The following NPAS3 variants were observed in gnomAD, a reference collection of about 807,000 sequenced individuals.
NPAS3 encodes the protein neuronal PAS domain-containing protein 3.
Under a neutral mutation model 73.1 loss-of-function variants are expected in NPAS3, and 14 were observed. The ratio of observed to expected loss-of-function variants is 0.19; its 90% CI spans 0.13 to 0.30. The LOEUF (loss-of-function observed/expected upper bound fraction) is 0.30. Among genes scored for constraint, NPAS3 ranks in the 10% least tolerant of loss-of-function variants. The probability of loss-of-function intolerance (pLI) is 1.00; values close to 1 mark genes in which losing one functional copy is unlikely to be tolerated. For missense variants in NPAS3, 1,096 were observed against 1,250.0 expected (o/e 0.88, Z 1.86); for synonymous variants, 620 against 541.5 (o/e 1.14, Z -2.01).
intron 4 of NPAS3, among the ~76,000 whole-genome samples, chr14:33,499,723 GCCCTCTGATATTAGTAA>G (rs2052416695): frequency 6.6e-6 from 1 of 151,924 alleles, no homozygotes; most frequent in Non-Finnish European, 1.5e-5. Flanking sequence ...ATGATGCCCA[GCCCTCTGATATTAGTAA>G]CAATATTTGC....
At chr14:33,030,167 A>C (rs191583859) in intron 1 of NPAS3, among the ~76,000 whole-genome samples, 47 of 152,356 alleles carry the variant, frequency 3.1e-4, no homozygotes, top group African/African-American at 9.9e-4. Flanking sequence ...GATTGAATTC[A>C]GTCTTAAATT....
chr14:33,332,254 A>C (rs2044019727), intron 3 of NPAS3, among the ~76,000 whole-genome samples: 1 of 152,110 alleles, frequency 6.6e-6, no homozygotes, highest in South Asian at 2.1e-4. Flanking sequence ...TTGACCTCTT[A>C]ACTAAAATAA....
At chr14:33,272,888 T>C (rs2041158996) in intron 3 of NPAS3, among the ~76,000 whole-genome samples, 1 of 152,178 alleles carries the variant, frequency 6.6e-6, no homozygotes, top group African/African-American at 2.4e-5. Context: ...CGAAATCTCT[T>C]TACAATTTTA....
intron 7 of NPAS3, among the ~76,000 whole-genome samples, chr14:33,764,363 A>G (rs903012574): frequency 6.6e-6 from 1 of 152,278 alleles, no homozygotes; most frequent in African/African-American, 2.4e-5. Context: ...AACTTAGAAC[A>G]AGACTAGTTG....
chr14:32,955,322 A>G (rs903677161), intron 1 of NPAS3, among the ~76,000 whole-genome samples: 1 of 152,154 alleles, frequency 6.6e-6, no homozygotes, highest in Non-Finnish European at 1.5e-5. Context: ...ACAGACCAAA[A>G]TATACTTTGT....
chr14:33,044,517 AT>A (rs539028013), intron 1 of NPAS3, among the ~76,000 whole-genome samples: 128 of 151,870 alleles, frequency 8.4e-4, no homozygotes, highest in Non-Finnish European at 1.5e-3. Flanking sequence ...TTTTCAGACA[AT>A]TTAGGGAAGT....
At position 33,356,098 on chromosome 14, in the gene NPAS3, A is replaced by G. The variant is rs1464343185; in HGVS notation, c.386-11088A>G. 4.6e-5 allele frequency among the ~76,000 whole-genome samples: 7 copies of G among 152,230 alleles called. No homozygotes were observed. The East Asian group carries it at 7.7e-4, about 17-fold the overall frequency. On this transcript the variant is annotated intron_variant, in intron 3 of 11. Transcript: ENST00000356141. ...GCCTGGCACTGGGTAAGCACTCAGTAAAGTTTTATTAAAATAGGGAATACA... is the reference window on the plus strand; with the variant it reads ...GCCTGGCACTGGGTAAGCACTCAGTGAAGTTTTATTAAAATAGGGAATACA...
At chr14:33,373,130 T>C (rs1488460196) in intron 4 of NPAS3, among the ~76,000 whole-genome samples, 3 of 152,208 alleles carry the variant, frequency 2.0e-5, no homozygotes, top group Non-Finnish European at 4.4e-5. Flanking sequence ...GACTTTCCCT[T>C]AGGTGCCAGA....
intron 5 of NPAS3, among the ~76,000 whole-genome samples, chr14:33,617,268 A>G (rs2057948027): frequency 6.6e-6 from 1 of 152,226 alleles, no homozygotes; most frequent in Non-Finnish European, 1.5e-5. Flanking sequence ...CTCAAGCTTT[A>G]TTAATGTATT....
chr14:32,976,628 GT>G (rs1183525977), intron 1 of NPAS3, among the ~76,000 whole-genome samples: 1 of 152,164 alleles, frequency 6.6e-6, no homozygotes, highest in Non-Finnish European at 1.5e-5. Flanking sequence ...GTCTGCAAGA[GT>G]TTATTGTTCC....
intron 1 of NPAS3, among the ~76,000 whole-genome samples, chr14:33,025,434 A>C (rs2039766316): frequency 6.6e-6 from 1 of 152,016 alleles, no homozygotes; most frequent in Non-Finnish European, 1.5e-5. Context: ...AACCTGACCT[A>C]CTCCCAATCA....
chr14:33,790,025 G>T (rs920689197), intron 9 of NPAS3, among the ~76,000 whole-genome samples: 1 of 152,184 alleles, frequency 6.6e-6, no homozygotes, highest in Non-Finnish European at 1.5e-5. Context: ...AAGAAAAGAT[G>T]CCAGGTTACA....
chr14:33,035,577 T>C (rs938848203), intron 1 of NPAS3, among the ~76,000 whole-genome samples: 1 of 152,214 alleles, frequency 6.6e-6, no homozygotes, highest in African/African-American at 2.4e-5. Flanking sequence ...TTTAATCTTG[T>C]TTTGCAATTC....
intron 3 of NPAS3, among the ~76,000 whole-genome samples, chr14:33,244,017 C>A (rs1334031976): frequency 6.6e-6 from 1 of 151,174 alleles, no homozygotes; most frequent in Non-Finnish European, 1.5e-5. Context: ...CTTCCCAGCC[C>A]AACTCATTTC....
At chr14:33,783,731 T>A (rs899213022) in intron 9 of NPAS3, among the ~76,000 whole-genome samples, 4 of 152,056 alleles carry the variant, frequency 2.6e-5, no homozygotes, top group Non-Finnish European at 5.9e-5. Context: ...CTTACTACAC[T>A]GTGCATCAGT....
At chr14:33,407,880 T>C (rs2047737388) in intron 4 of NPAS3, among the ~76,000 whole-genome samples, 1 of 152,164 alleles carries the variant, frequency 6.6e-6, no homozygotes, top group South Asian at 2.1e-4. Context: ...AAGAAATGCT[T>C]ACAGCATAGG....
At chr14:33,271,448 T>G (rs371634344) in intron 3 of NPAS3, among the ~76,000 whole-genome samples, 2 of 151,786 alleles carry the variant, frequency 1.3e-5, no homozygotes, top group Non-Finnish European at 2.9e-5. Flanking sequence ...TGGCTAGCTG[T>G]TGGGGAGAAG....
At chr14:33,445,478 C>T (rs1462619365) in intron 4 of NPAS3, among the ~76,000 whole-genome samples, 2 of 152,144 alleles carry the variant, frequency 1.3e-5, no homozygotes, top group Non-Finnish European at 2.9e-5. Context: ...TACACATTTC[C>T]TGATCTTTAG....
At chr14:33,161,396 G>A (rs1209305858) in intron 2 of NPAS3, among the ~76,000 whole-genome samples, 2 of 152,126 alleles carry the variant, frequency 1.3e-5, no homozygotes, top group Non-Finnish European at 2.9e-5. Context: ...TAATTAACTT[G>A]CCCAGCTTTA....
Sources: gnomAD v4.1 joint callset for allele counts (sites outside exome capture counted in the v4.1 genomes callset) on GRCh38, gnomAD v4.1.1 for gene constraint, MANE v1.5 for transcripts, NCBI Gene and HGNC (gene_info 2026-07-23, HGNC 2026-07-21) for gene names.